GALNT13: variants seen among roughly 807,000 people sequenced by gnomAD.
The protein encoded by GALNT13 is UDP-GalNAc:polypeptide N-acetylgalactosaminyltransferase 13.
In GALNT13, 28 loss-of-function variants were observed where a neutral mutation model predicts 64.2. The ratio of observed to expected loss-of-function variants is 0.44; its 90% CI spans 0.32 to 0.60. The LOEUF (loss-of-function observed/expected upper bound fraction) is 0.60. Ranked by LOEUF, GALNT13 falls within the 20% of genes least tolerant of loss-of-function variation. The pLI, the probability that GALNT13 is intolerant of heterozygous loss-of-function variation, is 0.05. For missense variants in GALNT13, 577 were observed against 669.8 expected, an observed-to-expected ratio of 0.86 and a Z score of 1.53; for synonymous variants, 214 against 224.6, an observed-to-expected ratio of 0.95 and a Z score of 0.42.
the GALNT13 span, among the ~76,000 whole-genome samples, chr2:153,072,315 C>T: frequency 6.6e-6 from 1 of 152,118 alleles, no homozygotes; most frequent in African/African-American, 2.4e-5. Context: ...GCGTGGTGTG[C>T]CTCTGCAGAC....
chr2:153,194,010 T>G, the GALNT13 span, among the ~76,000 whole-genome samples: 1 of 152,238 alleles, frequency 6.6e-6, no homozygotes. Context: ...ACATTTCTTT[T>G]GTTATAGAAT....
chr2:154,300,714 G>A (rs2105093924), intron 8 of GALNT13, among the ~76,000 whole-genome samples: 1 of 152,016 alleles, frequency 6.6e-6, no homozygotes, highest in East Asian at 1.9e-4. Flanking sequence ...AATACACAGT[G>A]AATTCTAGGA....
At chr2:154,341,064 G>C (rs542985344) in intron 9 of GALNT13, among the ~76,000 whole-genome samples, 1 of 152,092 alleles carries the variant, frequency 6.6e-6, no homozygotes, top group South Asian at 2.1e-4. Flanking sequence ...GACCCAAGAA[G>C]GCACACATAT....
chr2:153,848,366 T>C, the GALNT13 span, among the ~76,000 whole-genome samples: 1 of 152,176 alleles, frequency 6.6e-6, no homozygotes, highest in East Asian at 1.9e-4. Context: ...TACACAAGCC[T>C]TCAAAGGTGT....
chr2:153,103,268 CTTCT>C, the GALNT13 span, among the ~76,000 whole-genome samples: 1 of 144,992 alleles, frequency 6.9e-6, no homozygotes, highest in Non-Finnish European at 1.5e-5. Context: ...GCACACTGTC[CTTCT>C]TTCTGTTCTT....
chr2:154,025,984 C>T (rs1697931276), intron 3 of GALNT13, among the ~76,000 whole-genome samples: 1 of 151,960 alleles, frequency 6.6e-6, no homozygotes, highest in Non-Finnish European at 1.5e-5. Context: ...GGAGTGAAGG[C>T]TTACTTGCCA....
chr2:153,274,502 A>G, the GALNT13 span, among the ~76,000 whole-genome samples: 1 of 152,212 alleles, frequency 6.6e-6, no homozygotes, highest in African/African-American at 2.4e-5. Flanking sequence ...ACTGCAGAAT[A>G]AAAGAGGAAT....
chr2:153,112,736 A>C, the GALNT13 span, among the ~76,000 whole-genome samples: 1 of 152,090 alleles, frequency 6.6e-6, no homozygotes, highest in Non-Finnish European at 1.5e-5. Flanking sequence ...TTGAAGTATT[A>C]ACTTCCCCTT....
chr2:153,892,175 A>G (rs1026097819), intron 1 of GALNT13, among the ~76,000 whole-genome samples: 2 of 152,074 alleles, frequency 1.3e-5, no homozygotes, highest in African/African-American at 4.8e-5. Context: ...CAATGGAGAC[A>G]TCACATTTCT....
the GALNT13 span, among the ~76,000 whole-genome samples, chr2:153,324,674 G>T: frequency 6.6e-6 from 1 of 152,138 alleles, no homozygotes; most frequent in Non-Finnish European, 1.5e-5. Flanking sequence ...CTACTTTATT[G>T]AGTGTTTTTA....
intron 3 of GALNT13, among the ~76,000 whole-genome samples, chr2:154,095,046 A>G (rs1409751964): frequency 6.6e-6 from 1 of 151,926 alleles, no homozygotes; most frequent in Admixed American, 6.6e-5. Context: ...ATACTTACAT[A>G]TGGAAGATAT....
chr2:153,847,363 A>G, the GALNT13 span, among the ~76,000 whole-genome samples: 1 of 151,306 alleles, frequency 6.6e-6, no homozygotes, highest in East Asian at 1.9e-4. Context: ...AATATAGAAG[A>G]TTTGAATAAC....
At chr2:153,458,934 T>C in the GALNT13 span, among the ~76,000 whole-genome samples, 1 of 152,160 alleles carries the variant, frequency 6.6e-6, no homozygotes, top group Non-Finnish European at 1.5e-5. Context: ...TTTCTCTGTT[T>C]CTAGGAGATA....
At chr2:154,059,313 A>G (rs1247404963) in intron 3 of GALNT13, among the ~76,000 whole-genome samples, 1 of 152,220 alleles carries the variant, frequency 6.6e-6, no homozygotes, top group African/African-American at 2.4e-5. Context: ...ATGTTATGGT[A>G]TTTAAGTTGC....
the GALNT13 span, among the ~76,000 whole-genome samples, chr2:153,755,670 C>CA: frequency 1.3e-5 from 2 of 152,224 alleles, 1 homozygote; most frequent in East Asian, 3.9e-4. Context: ...GCATGGCTTT[C>CA]AGAAATGTTT....
At chr2:154,304,232 A>G (rs1382005808) in intron 9 of GALNT13, among the ~76,000 whole-genome samples, 1 of 152,168 alleles carries the variant, frequency 6.6e-6, no homozygotes, top group African/African-American at 2.4e-5. Context: ...AGCTATTACG[A>G]GGAACACCAT....
chr2:154,217,426 A>G (rs894909968), intron 4 of GALNT13, among the ~76,000 whole-genome samples: 1 of 152,148 alleles, frequency 6.6e-6, no homozygotes, highest in Non-Finnish European at 1.5e-5. Context: ...TAGTGGAAAG[A>G]AAGGTTATCA....
At chr2:153,295,342 C>G in the GALNT13 span, among the ~76,000 whole-genome samples, 3 of 152,060 alleles carry the variant, frequency 2.0e-5, no homozygotes, top group Non-Finnish European at 4.4e-5. Context: ...ATTTAATAAC[C>G]TTGGGGATGA....
At chr2:154,387,819 T>C (rs1285547092) in intron 9 of GALNT13, among the ~76,000 whole-genome samples, 1 of 152,168 alleles carries the variant, frequency 6.6e-6, no homozygotes, top group East Asian at 1.9e-4. Flanking sequence ...TATCTGTTCA[T>C]CTGTTGATAT....
Sources: gnomAD v4.1 joint callset for allele counts (sites outside exome capture counted in the v4.1 genomes callset) on GRCh38, gnomAD v4.1.1 for gene constraint, MANE v1.5 for transcripts, NCBI Gene and HGNC (gene_info 2026-07-23, HGNC 2026-07-21) for gene names.